ZNF837: variants seen among roughly 807,000 people sequenced by gnomAD.
The protein encoded by ZNF837 is zinc finger protein 837.
For synonymous variants in ZNF837, 475 were observed against 365.2 expected, an observed-to-expected ratio of 1.30 and a Z score of -3.43; for missense variants, 955 against 801.7, an observed-to-expected ratio of 1.19 and a Z score of -2.31.
rs1051197503 is a variant in ZNF837 at position 58,368,830 on chromosome 19, C to G, written c.503G>C (p.Trp168Ser). The change falls in exon 3 of 3, where the codon TGG becomes TCG. Residue 168 changes from tryptophan to serine, a missense_variant. Trp to Ser is a radical substitution (Grantham distance 177, BLOSUM62 -3). Transcript: ENST00000597582. ...TQLCEVHTDC[W>S]PCQPGTGAPT... ...AGCGCCAGTCCCTGGTTGGCACGGC[C>G]AACAGTCCGTGTGGACCTCACACAG... 2 of 1,546,840 alleles carry G rather than the reference C, an allele frequency of 1.3e-6. No individual in the cohort carries two copies. The highest frequency in any genetic ancestry group is 1.7e-6 in the Non-Finnish European group (2 of 1,146,678).
intron 1 of ZNF837, among the ~76,000 whole-genome samples, chr19:58,372,176 T>G (rs1385646980): frequency 6.6e-6 from 1 of 152,134 alleles, no homozygotes; most frequent in Non-Finnish European, 1.5e-5. Flanking sequence ...TGCCTAAGCC[T>G]CCTGAGTAGC....
chr19:58,370,848 TCG>T (rs1395708557), intron 1 of ZNF837, among the ~76,000 whole-genome samples: 1 of 147,582 alleles, frequency 6.8e-6, no homozygotes, highest in Non-Finnish European at 1.5e-5. Context: ...TTAGCCGAGA[TCG>T]CACCATTGCA....
In ZNF837 at chr19:58,368,136, G is replaced by T; in HGVS notation, c.1197C>A (p.Ala399=). The T allele has an allele frequency of 6.3e-7, 1 of 1,587,594 alleles. No individual in the cohort carries two copies. The highest frequency in any genetic ancestry group is 8.6e-7 in the Non-Finnish European group (1 of 1,168,494). Residue 399 remains alanine (A), a synonymous_variant, in exon 3 of 3, where the codon GCC becomes GCA. Transcript: ENST00000597582. ...GGCTCAGGTTCGAGCGCTGGTTGAAGGCCTTGCCGCACTCGGGGCACGCGT... is the reference window on the plus strand; with the variant it reads ...GGCTCAGGTTCGAGCGCTGGTTGAATGCCTTGCCGCACTCGGGGCACGCGT... ...KPYACPECGK[A]FNQRSNLSRH...
At chr19:58,371,057 C>G (rs113270587) in intron 1 of ZNF837, among the ~76,000 whole-genome samples, 6 of 151,726 alleles carry the variant, frequency 4.0e-5, no homozygotes, top group African/African-American at 1.5e-4. Context: ...CTGGCTAACA[C>G]GGTGAAACCC....
In ZNF837 at chr19:58,368,949, G is replaced by A. The variant is rs1300388490; in HGVS notation, c.384C>T (p.Ser128=). 5.2e-6 allele frequency: 8 copies of A among 1,542,632 alleles called. No individual in the cohort carries two copies. Among genetic ancestry groups the A allele is most frequent in the Admixed American group, 2.0e-5 (1 of 50,570 alleles). ...GCGCCCCGCGATGCCACGCCAGGCA[G>A]GAGTTCCTGCTGCAGTCCCCGCCAC... ...PARGGDCSRN[S]CLAWHRGAPA... Residue 128 remains serine, a synonymous_variant, in exon 3 of 3, where the codon TCC becomes TCT. Coordinates refer to ENST00000597582, the MANE Select transcript of ZNF837 (RefSeq NM_138466.2).
intron 1 of ZNF837, among the ~76,000 whole-genome samples, chr19:58,372,305 C>T (rs183469782): frequency 7.1e-4 from 108 of 152,250 alleles, no homozygotes; most frequent in African/African-American, 2.4e-3. Flanking sequence ...GTGATCCACC[C>T]GTCTCGGCCT....
In ZNF837 at chr19:58,375,297, TATATATATATATATAA is replaced by T. The variant is rs1217528273; in HGVS notation, c.-139-5385_-139-5370del. Among the ~76,000 whole-genome samples, 100 of 90,286 alleles carry T rather than the reference TATATATATATATATAA, an allele frequency of 1.1e-3. 2 individuals carry two copies. Among genetic ancestry groups the T allele is most frequent in the East Asian group, 3.7e-3 (8 of 2,168 alleles). The allele number at this position is 90,286 out of a possible 152,430, so 59.2% of individuals were successfully genotyped here. A position where few individuals can be genotyped will look rare whatever the true frequency, so the allele number is the denominator to read the frequency against. ...ATATATATATATATATATATATATA[TATATATATATATATAA>T]AATTACATATATACTTAAGAGTATA... On this transcript the variant is annotated intron_variant, in intron 1 of 2. Coordinates refer to ENST00000597582, the MANE Select transcript of ZNF837 (RefSeq NM_138466.2).
chr19:58,377,451 G>C (rs2052258426), intron 1 of ZNF837, among the ~76,000 whole-genome samples: 1 of 151,332 alleles, frequency 6.6e-6, no homozygotes, highest in Non-Finnish European at 1.5e-5. Flanking sequence ...CTGCACTCCA[G>C]CCTGGGTGAC....
chr19:58,374,414 A>G (rs1052955075), intron 1 of ZNF837, among the ~76,000 whole-genome samples: 4 of 152,270 alleles, frequency 2.6e-5, no homozygotes, highest in Non-Finnish European at 4.4e-5. Flanking sequence ...CATGGAAAGT[A>G]AAAGCAGTGA....
intron 1 of ZNF837, among the ~76,000 whole-genome samples, chr19:58,376,292 C>T (rs2052244779): frequency 6.6e-6 from 1 of 152,004 alleles, no homozygotes; most frequent in South Asian, 2.1e-4. Context: ...GTGGCTCACG[C>T]CTGTAATTCC....
chr19:58,368,432 ACTCGTAGGGCCG>A lies in ZNF837; in HGVS notation c.889_900del (p.Arg297_Glu300del). The A allele has an allele frequency of 6.4e-7, 1 of 1,557,696 alleles. No individual in the cohort carries two copies. The highest frequency in any genetic ancestry group is 8.7e-7 in the Non-Finnish European group (1 of 1,153,986). On this transcript the variant is annotated inframe_deletion, in exon 3 of 3. Coordinates refer to ENST00000597582, the MANE Select transcript of ZNF837 (RefSeq NM_138466.2). ...ACGAAGGCCTTGCCGCACTCGGCGC[ACTCGTAGGGCCG>A]CTCGCCCGTGTGGATGCGCTGGTGC...
chr19:58,371,890 T>G (rs2052205299), intron 1 of ZNF837, among the ~76,000 whole-genome samples: 1 of 149,532 alleles, frequency 6.7e-6, no homozygotes, highest in South Asian at 2.1e-4. Context: ...TCTGGCTAAT[T>G]TTTTGTATTT....
In ZNF837 at chr19:58,368,913, C is replaced by T. The variant is rs915320856; in HGVS notation, c.420G>A (p.Glu140=). The part of the protein sequence containing the change: ...LAWHRGAPAG[E]TPPVCDPCPE... Reference sequence around the variant, plus strand: ...GACAGGGGTCACACACGGGTGGCGTCTCCCCAGCGGGCGCCCCGCGATGCC... The same window carrying T: ...GACAGGGGTCACACACGGGTGGCGTTTCCCCAGCGGGCGCCCCGCGATGCC... Residue 140 remains glutamate (E), a synonymous_variant, in exon 3 of 3, where the codon GAG becomes GAA. Coordinates refer to ENST00000597582, the MANE Select transcript of ZNF837 (RefSeq NM_138466.2). 2.1e-5 allele frequency: 33 copies of T among 1,547,882 alleles called. No individual in the cohort carries two copies. Among genetic ancestry groups the T allele is most frequent in the Middle Eastern group, 1.7e-4 (1 of 5,900 alleles).
chr19:58,371,247 A>AG (rs1330715252), intron 1 of ZNF837, among the ~76,000 whole-genome samples: 1 of 150,460 alleles, frequency 6.6e-6, no homozygotes, highest in African/African-American at 2.4e-5. Flanking sequence ...TCTCAAAAAA[A>AG]AAAAAAAAAA....
chr19:58,377,710 G>A (rs1218123863), intron 1 of ZNF837, among the ~76,000 whole-genome samples: 1 of 152,174 alleles, frequency 6.6e-6, no homozygotes, highest in East Asian at 1.9e-4. Context: ...CAGGGCACAG[G>A]GCAATTCCTT....
At position 58,368,312 on chromosome 19, in the gene ZNF837, AC is replaced by A; in HGVS notation, c.1020del (p.Cys341AlafsTer66). On this transcript the variant is annotated frameshift_variant, in exon 3 of 3. Coordinates refer to ENST00000597582, the MANE Select transcript of ZNF837 (RefSeq NM_138466.2). LOFTEE classifies it low-confidence loss of function (END_TRUNC). ...PVLARRAFRL[G>X]CPPCGDYSER... is the part of the protein sequence containing the mutation. ...TCGCTGTAGTCCCCGCAGGGCGGGCACCCCAGCCGGAAGGCGCGCCGCGCCA... is the reference window on the plus strand; with the variant it reads ...TCGCTGTAGTCCCCGCAGGGCGGGCACCCAGCCGGAAGGCGCGCCGCGCCA... 6.7e-7 allele frequency: 1 copy of A among 1,486,202 alleles called. No homozygotes were observed. Among genetic ancestry groups the A allele is most frequent in the African/African-American group, 1.4e-5 (1 of 69,758 alleles). The allele number at this position is 1,486,202 out of a possible 1,614,324, so 92.1% of individuals were successfully genotyped here.
Position 58,368,056 on chromosome 19 carries a change from T to C in ZNF837, c.1277A>G (p.Lys426Arg), listed in dbSNP as rs546476816. The change falls in exon 3 of 3, where the codon AAG (lysine) becomes AGG (arginine). Residue 426 changes from lysine to arginine, a missense_variant. Lys to Arg is a conservative substitution (Grantham distance 26). Transcript: ENST00000597582. Reference protein sequence around the residue: ...AKPYACPLCEKAFKGRSGLVQ... With the variant: ...AKPYACPLCERAFKGRSGLVQ... ...CAGGCCCGAGCGGCCCTTGAAGGCC[T>C]TTTCGCACAGTGGGCACGCGTAGGG... The C allele has an allele frequency of 1.9e-6, 3 of 1,541,230 alleles. No homozygotes were observed. The highest frequency in any genetic ancestry group is 3.9e-5 in the Admixed American group (2 of 50,976).
chr19:58,379,997 AAAC>A (rs72009505), intron 1 of ZNF837, among the ~76,000 whole-genome samples: 73,192 of 143,500 alleles, frequency 0.51, 17,857 homozygotes, highest in Middle Eastern at 0.58. Context: ...CTCCGTCTCA[AAAC>A]AACAACAACA....
chr19:58,373,954 G>A (rs938888158), intron 1 of ZNF837, among the ~76,000 whole-genome samples: 2 of 152,272 alleles, frequency 1.3e-5, no homozygotes, highest in East Asian at 3.8e-4. Flanking sequence ...GCTGCTGGCA[G>A]TAAGCTCTAT....
Sources: gnomAD v4.1 joint callset for allele counts (sites outside exome capture counted in the v4.1 genomes callset) on GRCh38, gnomAD v4.1.1 for gene constraint, MANE v1.5 for transcripts, NCBI Gene and HGNC (gene_info 2026-07-23, HGNC 2026-07-21) for gene names.